XYLT1: variants seen among roughly 807,000 people sequenced by gnomAD.
XYLT1 encodes the protein xylosyltransferase 1.
A neutral mutation model predicts 91.3 loss-of-function variants in XYLT1; 36 were observed. The ratio of observed to expected loss-of-function variants is 0.39; its 90% CI spans 0.30 to 0.52. XYLT1 has a LOEUF of 0.52. Ranked by LOEUF, XYLT1 falls within the 20% of genes least tolerant of loss-of-function variation. The probability of loss-of-function intolerance (pLI) is 0.68; values close to 1 mark genes in which losing one functional copy is unlikely to be tolerated. For synonymous variants in XYLT1, 588 were observed against 532.0 expected (o/e 1.11, Z -1.45); for missense variants, 1,242 against 1,284.5 (o/e 0.97, Z 0.51).
At chr16:17,290,404 G>A (rs1005941277) in intron 2 of XYLT1, among the ~76,000 whole-genome samples, 2 of 152,188 alleles carry the variant, frequency 1.3e-5, no homozygotes, top group Non-Finnish European at 2.9e-5. Context: ...CCTCAGTCCC[G>A]GGACCTGGCA....
At chr16:17,195,887 T>G (rs1046374725) in intron 5 of XYLT1, among the ~76,000 whole-genome samples, 40 of 152,234 alleles carry the variant, frequency 2.6e-4, no homozygotes. Context: ...GTTCACAAAA[T>G]GCACTACTTC....
chr16:17,328,248 T>A (rs1266677916), intron 2 of XYLT1, among the ~76,000 whole-genome samples: 1 of 151,974 alleles, frequency 6.6e-6, no homozygotes, highest in African/African-American at 2.4e-5. Flanking sequence ...CAATCAGGCA[T>A]ATTAAAAGCC....
At chr16:17,422,775 C>T (rs2036265431) in intron 1 of XYLT1, among the ~76,000 whole-genome samples, 1 of 152,196 alleles carries the variant, frequency 6.6e-6, no homozygotes, top group Non-Finnish European at 1.5e-5. Context: ...CTCAGCCTCC[C>T]AAAGTACTGG....
At chr16:17,260,589 G>A (rs78298367) in intron 2 of XYLT1, among the ~76,000 whole-genome samples, 3,261 of 152,208 alleles carry the variant, frequency 0.021, 111 homozygotes, top group African/African-American at 0.073. Flanking sequence ...CCTGAACAGC[G>A]GATCTGCAGG....
At position 17,229,388 on chromosome 16, in the gene XYLT1, G is replaced by A. The variant is rs11863992; in HGVS notation, c.914-28734C>T. On this transcript the variant is annotated intron_variant, in intron 3 of 11. Transcript: ENST00000261381. The stretch of plus-strand genomic sequence containing the variant: ...ATGAATGTGACTGTAGTTACACCTA[G>A]ATCACAAACAACATCTGAGAGGAGG... 8.8e-3 allele frequency among the ~76,000 whole-genome samples: 1,342 copies of A among 152,292 alleles called. 26 individuals carry two copies. The highest frequency in any genetic ancestry group is 0.03 in the African/African-American group (1,267 of 41,562).
intron 3 of XYLT1, among the ~76,000 whole-genome samples, chr16:17,230,218 G>C (rs2033137661): frequency 6.6e-6 from 1 of 152,184 alleles, no homozygotes; most frequent in Non-Finnish European, 1.5e-5. Flanking sequence ...GGTGGCCGTA[G>C]GGAACTAAAA....
At chr16:17,206,874 A>C (rs2032656975) in intron 3 of XYLT1, among the ~76,000 whole-genome samples, 1 of 152,148 alleles carries the variant, frequency 6.6e-6, no homozygotes, top group Non-Finnish European at 1.5e-5. Context: ...GGAAACCACC[A>C]CTTGGGTGTG....
At chr16:17,226,557 G>A (rs1247515455) in intron 3 of XYLT1, among the ~76,000 whole-genome samples, 1 of 152,206 alleles carries the variant, frequency 6.6e-6, no homozygotes, top group Non-Finnish European at 1.5e-5. Flanking sequence ...GGAGGCTGAG[G>A]CGGGCAGATC....
intron 1 of XYLT1, among the ~76,000 whole-genome samples, chr16:17,441,356 G>GA (rs2036529494): frequency 6.6e-6 from 1 of 152,076 alleles, no homozygotes; most frequent in Admixed American, 6.6e-5. Flanking sequence ...ACACAAAACT[G>GA]AATTAGTTGT....
At chr16:17,175,195 A>G (rs1008834706) in intron 5 of XYLT1, among the ~76,000 whole-genome samples, 11 of 152,206 alleles carry the variant, frequency 7.2e-5, no homozygotes, top group African/African-American at 2.7e-4. Context: ...TGTTTGGTGT[A>G]TCCTACCTAT....
intron 3 of XYLT1, among the ~76,000 whole-genome samples, chr16:17,219,375 A>G (rs2032921964): frequency 6.6e-6 from 1 of 152,078 alleles, no homozygotes. Context: ...TGCACACTGG[A>G]CCAGATGGAC....
At chr16:17,390,517 T>C (rs987273332) in intron 1 of XYLT1, among the ~76,000 whole-genome samples, 10 of 152,206 alleles carry the variant, frequency 6.6e-5, no homozygotes, top group African/African-American at 2.4e-5. Context: ...AACTTGAAAC[T>C]GCCTTTGCAA....
chr16:17,232,102 T>G (rs1309616321), intron 3 of XYLT1, among the ~76,000 whole-genome samples: 1 of 146,080 alleles, frequency 6.8e-6, no homozygotes, highest in Non-Finnish European at 1.5e-5. Flanking sequence ...TATTATTATA[T>G]ATAATCGATA....
intron 2 of XYLT1, among the ~76,000 whole-genome samples, chr16:17,320,538 G>A (rs1410976969): frequency 1.4e-5 from 2 of 146,644 alleles, no homozygotes; most frequent in African/African-American, 5.1e-5. Context: ...GCAGTGCAGT[G>A]GTGCGATATC....
intron 10 of XYLT1, among the ~76,000 whole-genome samples, chr16:17,127,420 G>A (rs1567284059): frequency 6.6e-6 from 1 of 152,166 alleles, no homozygotes; most frequent in Admixed American, 6.5e-5. Flanking sequence ...GAAAAATTCA[G>A]AGGAGCAGAA....
At chr16:17,279,352 C>G (rs1026080136) in intron 2 of XYLT1, among the ~76,000 whole-genome samples, 3 of 152,172 alleles carry the variant, frequency 2.0e-5, no homozygotes, top group Admixed American at 2.0e-4. Context: ...GTAGCTGTTA[C>G]TAGTATGATC....
chr16:17,389,910 T>C (rs1449035503), intron 1 of XYLT1, among the ~76,000 whole-genome samples: 1 of 152,158 alleles, frequency 6.6e-6, no homozygotes, highest in Non-Finnish European at 1.5e-5. Context: ...AACTAGAAAT[T>C]CATTTAGAGC....
chr16:17,445,462 T>C (rs2141945293), intron 1 of XYLT1, among the ~76,000 whole-genome samples: 1 of 152,342 alleles, frequency 6.6e-6, no homozygotes. Context: ...CAAGGGCCTC[T>C]CTCAAGAAGT....
chr16:17,384,043 G>A (rs1036669857), intron 1 of XYLT1, among the ~76,000 whole-genome samples: 2 of 151,750 alleles, frequency 1.3e-5, no homozygotes, highest in Admixed American at 6.6e-5. Flanking sequence ...CCACCGCGCC[G>A]GCCCCTAAGT....
Sources: allele counts gnomAD v4.1 joint callset (sites outside exome capture counted in the v4.1 genomes callset), GRCh38; gene constraint gnomAD v4.1.1; transcripts MANE v1.5; gene names NCBI Gene and HGNC (gene_info 2026-07-23, HGNC 2026-07-21).